The following VGLL4 variants were observed in gnomAD, a reference collection of about 807,000 sequenced individuals.
The protein encoded by VGLL4 is transcription cofactor vestigial-like protein 4.
Under a neutral mutation model 21.0 loss-of-function variants are expected in VGLL4, and 7 were observed. The observed-to-expected ratio is 0.33, with a 90% confidence interval of 0.19 to 0.63. VGLL4 has a LOEUF of 0.63. Among genes scored for constraint, VGLL4 ranks in the 20% least tolerant of loss-of-function variants. The pLI, the probability that VGLL4 is intolerant of heterozygous loss-of-function variation, is 0.78. For synonymous variants in VGLL4, 222 were observed against 173.2 expected (o/e 1.28, Z -2.21); for missense variants, 394 against 425.7 (o/e 0.93, Z 0.66).
At chr3:11,696,227 G>A (rs2076605096) in intron 2 of VGLL4, among the ~76,000 whole-genome samples, 1 of 152,128 alleles carries the variant, frequency 6.6e-6, no homozygotes, top group African/African-American at 2.4e-5. Context: ...TCTTTCCAGG[G>A]CACCAGAGGA....
intron 2 of VGLL4, among the ~76,000 whole-genome samples, chr3:11,572,574 G>A (rs2073819151): frequency 6.6e-6 from 1 of 152,136 alleles, no homozygotes; most frequent in Non-Finnish European, 1.5e-5. Flanking sequence ...CCTCTGTTTT[G>A]TATTTGGTGC....
chr3:11,681,815 A>G (rs987888065), intron 2 of VGLL4, among the ~76,000 whole-genome samples: 3 of 152,220 alleles, frequency 2.0e-5, no homozygotes, highest in Admixed American at 2.0e-4. Context: ...AAGATTCGAG[A>G]AGGGCGTTTC....
intron 2 of VGLL4, among the ~76,000 whole-genome samples, chr3:11,680,673 C>T (rs1363380082): frequency 6.6e-6 from 1 of 152,202 alleles, no homozygotes; most frequent in Non-Finnish European, 1.5e-5. Flanking sequence ...ACGTGCACGA[C>T]TCACTCCAGA....
chr3:11,579,489 A>C (rs565294188), intron 2 of VGLL4, among the ~76,000 whole-genome samples: 3 of 152,228 alleles, frequency 2.0e-5, no homozygotes, highest in Admixed American at 2.0e-4. Flanking sequence ...CTGGAGCTTC[A>C]CTGTAACATC....
Position 11,556,721 on chromosome 3 carries a change from A to G in VGLL4, c.*1835T>C, listed in dbSNP as rs1182556234. 1 of 152,762 alleles carries G rather than the reference A, an allele frequency of 6.5e-6. No individual in the cohort carries two copies. Among genetic ancestry groups the G allele is most frequent in the Admixed American group, 6.5e-5 (1 of 15,278 alleles). The allele number at this position is 152,762 out of a possible 1,614,324, so 9.5% of individuals were successfully genotyped here. On this transcript the variant is annotated 3_prime_UTR_variant, in exon 5 of 5. Transcript: ENST00000430365. ...TAATGTTCTTCAAAAAATACCTACA[A>G]ATTTCTCTGTACATTCTTTACGCAC...
intron 2 of VGLL4, among the ~76,000 whole-genome samples, chr3:11,578,230 A>G (rs1360800280): frequency 6.6e-6 from 1 of 152,224 alleles, no homozygotes; most frequent in African/African-American, 2.4e-5. Flanking sequence ...GTCACATAAA[A>G]GTCTCCAATC....
At chr3:11,703,965 G>C (rs56857228) in intron 1 of VGLL4, among the ~76,000 whole-genome samples, 8,492 of 152,296 alleles carry the variant, frequency 0.056, 275 homozygotes, top group Middle Eastern at 0.092. Context: ...ACTGATCCAC[G>C]AGGCATGGTA....
At chr3:11,720,204 C>A (rs536016442) in intron 1 of VGLL4, among the ~76,000 whole-genome samples, 1 of 106,560 alleles carries the variant, frequency 9.4e-6, no homozygotes, top group Non-Finnish European at 1.9e-5. Context: ...GCACCCACGC[C>A]GCCCTCCGCT....
intron 2 of VGLL4, among the ~76,000 whole-genome samples, chr3:11,598,681 G>A (rs1206071020): frequency 6.6e-6 from 1 of 151,816 alleles, no homozygotes; most frequent in Non-Finnish European, 1.5e-5. Flanking sequence ...TGTAGAGATG[G>A]GGGTCTTGCT....
rs900313965 is a variant in VGLL4 at position 11,601,067 on chromosome 3, C to T, written c.272+766G>A. Among the ~76,000 whole-genome samples, 3 of 152,174 alleles carry T rather than the reference C, an allele frequency of 2.0e-5. 1 individual carries two copies. The highest frequency in any genetic ancestry group is 1.3e-4 in the Admixed American group (2 of 15,280). ...CTCCCTCTGCGAGGAGGGTGTGTGC[C>T]GAGAGGAGAGTGCAAAGGGGAGAAG... On this transcript the variant is annotated intron_variant, in intron 2 of 4. Transcript: ENST00000430365.
At chr3:11,603,832 A>T (rs1308685427) in intron 1 of VGLL4, among the ~76,000 whole-genome samples, 1 of 152,206 alleles carries the variant, frequency 6.6e-6, no homozygotes, top group Non-Finnish European at 1.5e-5. Flanking sequence ...CACTACAGCA[A>T]CAGACTGAAA....
At chr3:11,721,658 C>G (rs892423008), upstream of VGLL4, 15 of 152,198 alleles carry the variant, frequency 9.9e-5, no homozygotes, top group African/African-American at 3.6e-4. Context: ...CAAACTCAGA[C>G]AGGGAATGAG....
At position 11,615,201 on chromosome 3, in the gene VGLL4, C is replaced by G. The variant is rs557660396; in HGVS notation, c.83-13179G>C. 9.8e-5 allele frequency among the ~76,000 whole-genome samples: 15 copies of G among 152,304 alleles called. No individual in the cohort carries two copies. In the East Asian group the frequency reaches 2.5e-3, roughly 25 times the overall value. ...CCAGTTCACATTCCAACTTCCCGAA[C>G]TGACCTGTCTCTTTTTTGGTGGCAG... On this transcript the variant is annotated intron_variant, in intron 1 of 4. Coordinates refer to ENST00000430365, the MANE Select transcript of VGLL4 (RefSeq NM_001128219.3).
chr3:11,624,008 C>T (rs2075310505), intron 1 of VGLL4, among the ~76,000 whole-genome samples: 1 of 152,098 alleles, frequency 6.6e-6, no homozygotes, highest in Non-Finnish European at 1.5e-5. Flanking sequence ...TCCCAAAGTG[C>T]TGGGATTACA....
At chr3:11,686,904 G>GA (rs374467700) in intron 2 of VGLL4, among the ~76,000 whole-genome samples, 9 of 152,204 alleles carry the variant, frequency 5.9e-5, no homozygotes, top group Non-Finnish European at 1.0e-4. Context: ...TAATGAAGTA[G>GA]AATAGGATAG....
At chr3:11,582,364 G>A in intron 2 of VGLL4, 4 of 1,571,964 alleles carry the variant, frequency 2.5e-6, no homozygotes, top group Middle Eastern at 1.7e-4. Flanking sequence ...CACAAACTTG[G>A]CAAGCAGTCT....
At chr3:11,569,974 A>G (rs1436390825) in intron 2 of VGLL4, among the ~76,000 whole-genome samples, 3 of 152,234 alleles carry the variant, frequency 2.0e-5, no homozygotes, top group African/African-American at 7.2e-5. Context: ...AAACCTGGTT[A>G]AAGTGGTCAG....
intron 2 of VGLL4, among the ~76,000 whole-genome samples, chr3:11,591,105 G>A (rs915075373): frequency 4.6e-5 from 7 of 152,128 alleles, no homozygotes; most frequent in African/African-American, 1.2e-4. Flanking sequence ...AAGCATCTTC[G>A]CGAAGACAGC....
Position 11,638,454 on chromosome 3 carries a change from C to G in VGLL4, c.82+4983G>C, listed in dbSNP as rs567706307. Among the ~76,000 whole-genome samples, 8 of 152,230 alleles carry G rather than the reference C, an allele frequency of 5.3e-5. No homozygotes were observed. In the East Asian group the frequency reaches 1.4e-3, roughly 26 times the overall value. ...ATTAGGAGAAAGACACCAGCCAGGC[C>G]AGCTCTCTCGCAGAGCTCCTGGGCT... On this transcript the variant is annotated intron_variant, in intron 1 of 4. Transcript: ENST00000430365.
Sources: gnomAD v4.1 joint callset for allele counts (sites outside exome capture counted in the v4.1 genomes callset) on GRCh38, gnomAD v4.1.1 for gene constraint, MANE v1.5 for transcripts, NCBI Gene and HGNC (gene_info 2026-07-23, HGNC 2026-07-21) for gene names.